Variants in IQANK1 observed in about 807,000 individuals in gnomAD.
IQANK1 encodes IQ motif and ankyrin repeat containing 1.
IQANK1 carries 30 observed loss-of-function variants against 22.6 expected under a neutral mutation model. That is an observed-to-expected ratio of 1.33 (90% confidence interval 0.99 to 1.80). The LOEUF (loss-of-function observed/expected upper bound fraction) is 1.80. Among genes scored for constraint, IQANK1 ranks in the 40% most tolerant of loss-of-function variants. The pLI is 0.00. For synonymous variants in IQANK1, 122 were observed against 99.6 expected, an observed-to-expected ratio of 1.23 and a Z score of -1.34; for missense variants, 275 against 235.2, an observed-to-expected ratio of 1.17 and a Z score of -1.11.
chr8:143,741,391 G>A (rs544162979), intron 3 of IQANK1, among the ~76,000 whole-genome samples: 24 of 152,154 alleles, frequency 1.6e-4, no homozygotes, highest in Non-Finnish European at 2.9e-4. Context: ...TCAGGAGCCT[G>A]TACCTGGAGA....
chr8:143,739,136 A>G (rs1818825588), intron 2 of IQANK1, among the ~76,000 whole-genome samples: 1 of 152,152 alleles, frequency 6.6e-6, no homozygotes, highest in South Asian at 2.1e-4. Flanking sequence ...CTGCACTGCA[A>G]CAAGGGCCTG....
chr8:143,740,208 T>C (rs1156274931), intron 3 of IQANK1, among the ~76,000 whole-genome samples: 8 of 151,776 alleles, frequency 5.3e-5, no homozygotes, highest in South Asian at 4.2e-4. Flanking sequence ...CCCGGGTGCG[T>C]GGCCTCTCGG....
chr8:143,771,736 A>T lies in IQANK1; in HGVS notation c.307-65A>T. ...TCGGGCTCCGACCTCAGAGGCGTGG[A>T]CCGTGGCCTCGGGGCTCGGGGCGGT... On this transcript the variant is annotated intron_variant, in intron 4 of 13. Coordinates refer to ENST00000527139, the MANE Select transcript of IQANK1 (RefSeq NM_001381874.1). The surrounding 1 kb of genome is among the most constrained non-coding windows in gnomAD (Gnocchi z 6.0). 2.5e-6 allele frequency: 1 copy of T among 395,808 alleles called. No individual in the cohort carries two copies. Among genetic ancestry groups the T allele is most frequent in the South Asian group, 1.3e-4 (1 of 7,656 alleles). The allele number at this position is 395,808 out of a possible 1,614,324, so 24.5% of individuals were successfully genotyped here. A position where few individuals can be genotyped will look rare whatever the true frequency, so the allele number is the denominator to read the frequency against.
chr8:143,747,953 C>CTTTCCTT (rs1554627393), intron 3 of IQANK1, among the ~76,000 whole-genome samples: 10 of 132,008 alleles, frequency 7.6e-5, no homozygotes, highest in Non-Finnish European at 1.4e-4. Context: ...CTTTCCTTTC[C>CTTTCCTT]TTTCCTTTCC....
intron 7 of IQANK1, among the ~76,000 whole-genome samples, 176 bp from the exon 8 acceptor site, chr8:143,788,739 G>A (rs972311563): frequency 1.3e-5 from 2 of 152,206 alleles, no homozygotes; most frequent in African/African-American, 2.4e-5. Context: ...GGGCTTTGGG[G>A]ACAGCAGCCC....
intron 2 of IQANK1, 24 bp from the exon 3 acceptor site, chr8:143,739,835 T>C (rs1554626186): frequency 2.9e-6 from 2 of 687,524 alleles, no homozygotes; most frequent in Non-Finnish European, 5.3e-6. Context: ...CATCCCAAGC[T>C]CACTGACGGT....
At chr8:143,757,425 C>T (rs1819314152) in intron 3 of IQANK1, among the ~76,000 whole-genome samples, 1 of 151,904 alleles carries the variant, frequency 6.6e-6, no homozygotes, top group African/African-American at 2.4e-5. Context: ...CAAGCTCCGC[C>T]TCCCGGGTTC....
At chr8:143,777,789 G>A (rs1249134803) in intron 7 of IQANK1, among the ~76,000 whole-genome samples, 1 of 152,052 alleles carries the variant, frequency 6.6e-6, no homozygotes, top group Non-Finnish European at 1.5e-5. Context: ...AGGAAAAGAG[G>A]AAAAGGAAAA....
chr8:143,778,917 ACGCC>A (rs1819741319), intron 7 of IQANK1, among the ~76,000 whole-genome samples: 1 of 152,056 alleles, frequency 6.6e-6, no homozygotes, highest in Non-Finnish European at 1.5e-5. Context: ...ATGCGCCACC[ACGCC>A]CAGCTAATTT....
At chr8:143,783,773 G>A (rs938289978) in intron 7 of IQANK1, among the ~76,000 whole-genome samples, 52 of 152,146 alleles carry the variant, frequency 3.4e-4, no homozygotes, top group African/African-American at 1.2e-3. Context: ...TCATGTTCAA[G>A]CTTGTTTATT....
chr8:143,749,466 A>G (rs1181647839), intron 3 of IQANK1, among the ~76,000 whole-genome samples: 4 of 136,608 alleles, frequency 2.9e-5, no homozygotes, highest in South Asian at 2.1e-4. Flanking sequence ...CATATATAAT[A>G]TATAAATATA....
At chr8:143,748,718 CATATATATCAT>C (rs1563770348) in intron 3 of IQANK1, among the ~76,000 whole-genome samples, 11 of 97,580 alleles carry the variant, frequency 1.1e-4, no homozygotes, top group African/African-American at 4.5e-4. Flanking sequence ...AAATATATAT[CATATATATCAT>C]ATATAAATAT....
rs114367525 is a variant in IQANK1 at position 143,771,521 on chromosome 8, A to G, written c.209A>G (p.Gln70Arg). 12,391 of 398,048 alleles carry G rather than the reference A, an allele frequency of 0.031. 390 individuals carry two copies. Among genetic ancestry groups the G allele is most frequent in the African/African-American group, 0.11 (5,175 of 48,686 alleles). The allele number at this position is 398,048 out of a possible 1,614,324, so 24.7% of individuals were successfully genotyped here. A position where few individuals can be genotyped will look rare whatever the true frequency, so the allele number is the denominator to read the frequency against. Residue 70 changes from glutamine (Q) to arginine (R), a missense_variant, in exon 4 of 14, where the codon CAG becomes CGG. Coordinates refer to ENST00000527139, the MANE Select transcript of IQANK1 (RefSeq NM_001381874.1). This position sits in a 1 kb window ranked among gnomAD's most constrained non-coding sequence, Gnocchi z 6.0. ...GAGGACCGAGCGGCCAGAGCGATCC[A>G]GGGCGCCTTCCGGCAGCTCCGGGCC... Reference protein sequence around the residue: ...PAEDRAARAIQGAFRQLRARR... With the variant: ...PAEDRAARAIRGAFRQLRARR...
chr8:143,769,763 C>T (rs1554629543), intron 3 of IQANK1, among the ~76,000 whole-genome samples: 3 of 152,224 alleles, frequency 2.0e-5, no homozygotes, highest in African/African-American at 7.2e-5. Context: ...CCGTCAGACA[C>T]TTGTTTAAAA....
At chr8:143,746,682 CTTTG>C (rs782651763) in intron 3 of IQANK1, among the ~76,000 whole-genome samples, 39 of 152,268 alleles carry the variant, frequency 2.6e-4, no homozygotes, top group Non-Finnish European at 5.0e-4. Context: ...CATGCCCAGG[CTTTG>C]TTTGGAGATG....
In IQANK1 at chr8:143,789,825, C is replaced by T. The variant is rs1819985987; in HGVS notation, c.1151C>T (p.Ala384Val). The part of the protein sequence containing the change: ...LRQEAQKAEE[A>V]LAMARLELRE... ...CAGGAGGCCCAGAAGGCCGAGGAGG[C>T]GCTGGCTATGGCCAGGCTGGAGCTT... is the stretch of plus-strand genomic sequence containing the variant. Residue 384 changes from alanine (A) to valine (V), a missense_variant, in exon 11 of 14, where the codon GCG becomes GTG. Ala to Val is a moderately conservative substitution (Grantham distance 64). Transcript: ENST00000527139. 7.3e-6 allele frequency: 9 copies of T among 1,232,056 alleles called. No individual in the cohort carries two copies. The South Asian group carries it at 1.6e-4, about 23-fold the overall frequency. 76.3% of individuals were successfully genotyped at this position (1,232,056 alleles called of 1,614,324 possible).
intron 3 of IQANK1, among the ~76,000 whole-genome samples, chr8:143,760,846 A>G (rs1165427954): frequency 1.3e-5 from 2 of 152,182 alleles, no homozygotes; most frequent in East Asian, 3.9e-4. Flanking sequence ...TGCGCTCGGC[A>G]TCGCGGCGGG....
chr8:143,781,500 A>G (rs1253710135), intron 7 of IQANK1, among the ~76,000 whole-genome samples: 2 of 152,124 alleles, frequency 1.3e-5, no homozygotes, highest in Non-Finnish European at 2.9e-5. Context: ...ATTTTTATGT[A>G]TGGTGTAAGG....
At position 143,789,030 on chromosome 8, in the gene IQANK1, G is replaced by A; in HGVS notation, c.905G>A (p.Arg302Lys). ...CAGCGCCGGGCCCAGGAGGCCCAGA[G>A]GCACAAGGAGGCCGAGGCTGAGCGG... ...EQQRRAQEAQ[R>K]HKEAEAERCG... The change falls in exon 8 of 14, where the codon AGG (arginine) becomes AAG (lysine). Residue 302 changes from arginine to lysine, a missense_variant. Transcript: ENST00000527139. The A allele has an allele frequency of 2.5e-6, 1 of 400,314 alleles. No homozygotes were observed. The highest frequency in any genetic ancestry group is 4.4e-6 in the Non-Finnish European group (1 of 227,008). 24.8% of individuals were successfully genotyped at this position (400,314 alleles called of 1,614,324 possible). A position where few individuals can be genotyped will look rare whatever the true frequency, so the allele number is the denominator to read the frequency against.
Sources: allele counts gnomAD v4.1 joint callset (sites outside exome capture counted in the v4.1 genomes callset), GRCh38; gene constraint gnomAD v4.1.1; non-coding constraint Gnocchi (gnomAD v3.1); transcripts MANE v1.5; gene names NCBI Gene and HGNC (gene_info 2026-07-23, HGNC 2026-07-21).